TIA1: variants seen among roughly 807,000 people sequenced by gnomAD.
The protein encoded by TIA1 is TIA1 cytotoxic granule associated RNA binding protein.
Under a neutral mutation model 65.9 loss-of-function variants are expected in TIA1, and 23 were observed. The observed-to-expected ratio is 0.35, with a 90% CI of 0.25 to 0.49. The LOEUF is 0.49. TIA1 is among the 20% of genes least tolerant of loss of function. TIA1 has a pLI of 0.98. For synonymous variants in TIA1, 147 were observed against 149.4 expected, an observed-to-expected ratio of 0.98 and a Z score of 0.12; for missense variants, 371 against 477.9, an observed-to-expected ratio of 0.78 and a Z score of 2.09.
chr2:70,242,050 G>C (rs1692026347), intron 1 of TIA1, among the ~76,000 whole-genome samples: 2 of 152,092 alleles, frequency 1.3e-5, no homozygotes, highest in Non-Finnish European at 2.9e-5. Context: ...TTGGAATAAA[G>C]CCTATAGTGT....
upstream of TIA1, chr2:70,248,634 G>GT: frequency 1.4e-6 from 1 of 696,600 alleles, no homozygotes; most frequent in Middle Eastern, 2.6e-4. Context: ...GCGGCGAGCC[G>GT]GGAGCCTAGG....
chr2:70,232,443 G>A (rs1356312416), intron 2 of TIA1, among the ~76,000 whole-genome samples: 3 of 142,112 alleles, frequency 2.1e-5, no homozygotes, highest in Admixed American at 7.4e-5. Context: ...GGGAGGCTGA[G>A]GCAGGAGAAT....
At chr2:70,214,210 A>T in intron 12 of TIA1, 139 bp downstream of exon 12, 1 of 945,860 alleles carries the variant, frequency 1.1e-6, no homozygotes, top group Non-Finnish European at 1.5e-6. Flanking sequence ...ACTAAAAAAC[A>T]ATTTTAAGTT....
chr2:70,210,952 C>T lies in TIA1; in HGVS notation c.*1767G>A, dbSNP rs985243842. ...TAGAATTGAGCTCCAGAGAATTATA[C>T]ACTCGAGCTGTCTTTCCTGGGCTCT... On this transcript the variant is annotated 3_prime_UTR_variant, in exon 13 of 13. Transcript: ENST00000433529. 10 of 152,146 alleles carry T rather than the reference C, an allele frequency of 6.6e-5. No individual in the cohort carries two copies. Among genetic ancestry groups the T allele is most frequent in the African/African-American group, 2.4e-4 (10 of 41,420 alleles). The allele number at this position is 152,146 out of a possible 1,614,324, so 9.4% of individuals were successfully genotyped here. A position where few individuals can be genotyped will look rare whatever the true frequency, so the allele number is the denominator to read the frequency against.
At chr2:70,222,331 A>G (rs1224579223) in intron 7 of TIA1, among the ~76,000 whole-genome samples, 2 of 152,128 alleles carry the variant, frequency 1.3e-5, no homozygotes, top group Admixed American at 6.5e-5. Context: ...TGAGAAACAC[A>G]TGTTTGCCAA....
intron 6 of TIA1, 88 bp from the exon 7 acceptor site, chr2:70,224,717 T>G: frequency 6.5e-7 from 1 of 1,536,844 alleles, no homozygotes; most frequent in Non-Finnish European, 8.8e-7. Context: ...ATTCTCATGT[T>G]TCACCTTCAT....
intron 1 of TIA1, among the ~76,000 whole-genome samples, chr2:70,240,621 C>T (rs975817804): frequency 6.6e-5 from 10 of 152,304 alleles, no homozygotes; most frequent in African/African-American, 2.2e-4. Context: ...GAAATCCTAG[C>T]ACTTTGGGAG....
At chr2:70,224,784 A>G (rs139474756) in intron 6 of TIA1, 155 bp from the exon 7 acceptor site, 61 of 1,405,930 alleles carry the variant, frequency 4.3e-5, no homozygotes, top group Non-Finnish European at 2.5e-5. Flanking sequence ...ATCATGTATT[A>G]GGAAATGAGG....
At chr2:70,227,957 A>G in intron 5 of TIA1, 135 bp from the exon 6 acceptor site, 1 of 538,308 alleles carries the variant, frequency 1.9e-6, no homozygotes. Context: ...ACTATCCTAT[A>G]TCTATACAAA....
At position 70,214,463 on chromosome 2, in the gene TIA1, C is replaced by T; in HGVS notation, c.920G>A (p.Gly307Asp). Reference sequence around the variant, plus strand: ...ATTTCCATACCACTGGCCCCACTGGCCATAAGGTTGGGGATATCCAATTTG... The same window carrying T: ...ATTTCCATACCACTGGCCCCACTGGTCATAAGGTTGGGGATATCCAATTTG... ...QNQIGYPQPYGQWGQWYGNAQ... is the reference protein window; with the variant it reads ...QNQIGYPQPYDQWGQWYGNAQ... The change falls in exon 12 of 13, where the codon GGC becomes GAC. Residue 307 changes from glycine (G) to aspartate (D), a missense_variant. Physicochemically the swap from Gly to Asp is moderately conservative, Grantham distance 94. Transcript: ENST00000433529. The T allele has an allele frequency of 6.2e-7, 1 of 1,613,172 alleles. No homozygotes were observed. Among genetic ancestry groups the T allele is most frequent in the Non-Finnish European group, 8.5e-7 (1 of 1,179,702 alleles).
In TIA1 at chr2:70,248,583, C is replaced by G. The variant is rs1422416449; in HGVS notation, c.-153G>C. ...TCCTCCGGCGGCAATTACACTAAAC[C>G]GCCCGGCCCAGCGGGAACAATGAAA... On this transcript the variant is annotated 5_prime_UTR_variant, in exon 1 of 13. Coordinates refer to ENST00000433529, the MANE Select transcript of TIA1 (RefSeq NM_022173.4). The G allele has an allele frequency of 1.8e-6, 2 of 1,088,942 alleles. No individual in the cohort carries two copies. Among genetic ancestry groups the G allele is most frequent in the South Asian group, 1.3e-5 (1 of 75,176 alleles). 67.5% of individuals were successfully genotyped at this position (1,088,942 alleles called of 1,614,324 possible).
chr2:70,237,756 G>A (rs1312867252), intron 1 of TIA1, among the ~76,000 whole-genome samples: 6 of 150,954 alleles, frequency 4.0e-5, no homozygotes, highest in African/African-American at 1.5e-4. Flanking sequence ...CCCAGCTACT[G>A]GGGGACGGCT....
At chr2:70,241,855 A>G (rs773216253) in intron 1 of TIA1, among the ~76,000 whole-genome samples, 17 of 152,024 alleles carry the variant, frequency 1.1e-4, no homozygotes, top group African/African-American at 2.2e-4. Flanking sequence ...GAAGTGAACA[A>G]TGATTGTGCC....
chr2:70,214,706 G>A (rs188863365), intron 11 of TIA1, among the ~76,000 whole-genome samples: 44 of 151,744 alleles, frequency 2.9e-4, no homozygotes, highest in Non-Finnish European at 5.3e-4. Flanking sequence ...GTAACTCTAC[G>A]TGATACTCTG....
intron 1 of TIA1, among the ~76,000 whole-genome samples, chr2:70,245,350 G>A (rs2592178): frequency 0.27 from 41,713 of 151,968 alleles, 6,271 homozygotes; most frequent in East Asian, 0.38. Flanking sequence ...TGGGAAAGCC[G>A]CACAATAACA....
intron 12 of TIA1, among the ~76,000 whole-genome samples, 153 bp from the exon 13 acceptor site, chr2:70,212,998 A>T (rs1238788893): frequency 6.6e-6 from 1 of 152,218 alleles, no homozygotes; most frequent in Non-Finnish European, 1.5e-5. Context: ...GGAAAATGAA[A>T]TCTTTTACTA....
rs202071613 is a variant in TIA1, at chr2:70,212,680, T to G, written c.*39A>C. 4.9e-5 allele frequency: 64 copies of G among 1,303,514 alleles called. No homozygotes were observed. The African/African-American group carries it at 6.7e-4, about 14-fold the overall frequency. The allele number at this position is 1,303,514 out of a possible 1,614,324, so 80.7% of individuals were successfully genotyped here. A position where few individuals can be genotyped will look rare whatever the true frequency, so the allele number is the denominator to read the frequency against. The stretch of plus-strand genomic sequence containing the variant: ...AACAACGGCTTTACTACACTCCCTG[T>G]AGCCTCAAGCCACTGGCTTTAGATT... On this transcript the variant is annotated 3_prime_UTR_variant, in exon 13 of 13. Transcript: ENST00000433529.
intron 1 of TIA1, among the ~76,000 whole-genome samples, chr2:70,247,429 AG>A (rs1281450592): frequency 6.1e-4 from 93 of 152,364 alleles, no homozygotes; most frequent in Non-Finnish European, 3.2e-4. Flanking sequence ...TCAAACTGCC[AG>A]TATTCCAAGA....
chr2:70,229,977 GC>G (rs1685457707), intron 3 of TIA1, among the ~76,000 whole-genome samples: 1 of 149,664 alleles, frequency 6.7e-6, no homozygotes, highest in Admixed American at 6.7e-5. Context: ...GGTGGCTCAC[GC>G]CTGTAATCGC....
Sources: allele counts gnomAD v4.1 joint callset (sites outside exome capture counted in the v4.1 genomes callset), GRCh38; gene constraint gnomAD v4.1.1; transcripts MANE v1.5; gene names NCBI Gene and HGNC (gene_info 2026-07-23, HGNC 2026-07-21).